The following PALM2AKAP2 variants were observed in gnomAD, a reference collection of about 807,000 sequenced individuals.
The protein encoded by PALM2AKAP2 is PALM2-AKAP2 fusion protein.
A neutral mutation model predicts 71.5 loss-of-function variants in PALM2AKAP2; 37 were observed. That is an observed-to-expected ratio of 0.52 (90% confidence interval 0.40 to 0.68). The LOEUF is 0.68. Among genes scored for constraint, PALM2AKAP2 ranks in the 30% least tolerant of loss-of-function variants. The pLI is 0.00. For synonymous variants in PALM2AKAP2, 468 were observed against 478.8 expected (o/e 0.98, Z 0.29); for missense variants, 1,224 against 1,191.8 (o/e 1.03, Z -0.40).
Position 109,862,998 on chromosome 9 carries a change from G to T in PALM2AKAP2, c.46-4493G>T, listed in dbSNP as rs565832476. On this transcript the variant is annotated intron_variant, in intron 1 of 9. Coordinates refer to the PALM2AKAP2 transcript ENST00000302798. ...GACAGGAGCCTCACTGGCTATGCTA[G>T]GGAACCTGCTCTTTGCACTGTAGGC... 67 of 485,038 alleles carry T rather than the reference G, an allele frequency of 1.4e-4. 2 individuals carry two copies. Among genetic ancestry groups the T allele is most frequent in the South Asian group, 8.6e-4 (57 of 66,474 alleles). 30.0% of individuals were successfully genotyped at this position (485,038 alleles called of 1,614,324 possible).
At chr9:110,141,974 A>G (rs1236749337) in intron 2 of PALM2AKAP2, among the ~76,000 whole-genome samples, 1 of 151,872 alleles carries the variant, frequency 6.6e-6, no homozygotes, top group Non-Finnish European at 1.5e-5. Context: ...CTTTTAAAAG[A>G]TGGACAATGA....
intron 1 of PALM2AKAP2, among the ~76,000 whole-genome samples, chr9:109,844,931 ATGTGTGTGTGTG>A (rs71373945): frequency 6.7e-6 from 1 of 149,308 alleles, no homozygotes; most frequent in African/African-American, 2.5e-5. Context: ...CCAGAAAATG[ATGTGTGTGTGTG>A]TGTGTGTGTG....
chr9:109,920,367 T>C (rs1287877523), intron 3 of PALM2AKAP2, among the ~76,000 whole-genome samples: 3 of 146,240 alleles, frequency 2.1e-5, no homozygotes, highest in African/African-American at 5.1e-5. Context: ...TTGAGAATAA[T>C]GTAATCTTTT....
intron 7 of PALM2AKAP2, among the ~76,000 whole-genome samples, chr9:110,033,798 T>C (rs1833330072): frequency 6.6e-6 from 1 of 152,232 alleles, no homozygotes; most frequent in South Asian, 2.1e-4. Context: ...TGTAGTTTTT[T>C]GGACAGGCTA....
At chr9:109,958,854 G>A (rs923767058) in intron 6 of PALM2AKAP2, among the ~76,000 whole-genome samples, 1 of 152,178 alleles carries the variant, frequency 6.6e-6, no homozygotes. Context: ...TCACTGCCTT[G>A]TTCCAGGGTC....
intron 6 of PALM2AKAP2, among the ~76,000 whole-genome samples, chr9:110,013,719 T>C (rs10124316): frequency 0.25 from 37,381 of 152,124 alleles, 7,097 homozygotes; most frequent in African/African-American, 0.53. Context: ...AATGAAGCTC[T>C]CAAGGACCCA....
chr9:109,743,007 C>G (rs763018326), intron 1 of PALM2AKAP2, among the ~76,000 whole-genome samples: 1 of 152,170 alleles, frequency 6.6e-6, no homozygotes, highest in Non-Finnish European at 1.5e-5. Context: ...CTGGAGTTTT[C>G]CATTTACAGA....
intron 1 of PALM2AKAP2, among the ~76,000 whole-genome samples, chr9:110,054,689 C>A (rs1262790571): frequency 6.6e-6 from 1 of 152,152 alleles, no homozygotes; most frequent in African/African-American, 2.4e-5. Flanking sequence ...CCTCTTGTCT[C>A]AGCCTCTTGA....
chr9:109,967,728 G>A (rs912705086), intron 6 of PALM2AKAP2, among the ~76,000 whole-genome samples: 3 of 152,168 alleles, frequency 2.0e-5, no homozygotes, highest in Admixed American at 6.5e-5. Flanking sequence ...ATGTCTTGAA[G>A]GGAGAAGTGT....
At chr9:109,692,012 T>A (rs1014053686) in intron 1 of PALM2AKAP2, among the ~76,000 whole-genome samples, 12 of 147,472 alleles carry the variant, frequency 8.1e-5, no homozygotes, top group African/African-American at 3.0e-4. Context: ...CTTTTAATCA[T>A]TTTAATGTGC....
chr9:109,833,191 C>G (rs953164941), intron 1 of PALM2AKAP2, among the ~76,000 whole-genome samples: 2 of 152,104 alleles, frequency 1.3e-5, no homozygotes, highest in African/African-American at 4.8e-5. Flanking sequence ...CCTGTCTCTA[C>G]TAAAAATACA....
chr9:109,657,452 T>TTTTGTGTGTGTGTGTG lies in PALM2AKAP2; in HGVS notation c.5+16587_5+16588insTTGTGTGTGTGTGTGT, dbSNP rs112474230. The stretch of plus-strand genomic sequence containing the variant: ...TCTGAGAACAAAAGCAATATGGTAT[T>TTTTGTGTGTGTGTGTG]TGTGTGTGTGTGTGTGTGTGTGTGT... On this transcript the variant is annotated intron_variant, in intron 1 of 6. Transcript: ENST00000374531. Among the ~76,000 whole-genome samples the TTTTGTGTGTGTGTGTG allele has an allele frequency of 1.2e-3, 181 of 147,216 alleles. 1 individual carries two copies. Among genetic ancestry groups the TTTTGTGTGTGTGTGTG allele is most frequent in the African/African-American group, 4.5e-3 (177 of 39,326 alleles).
At chr9:109,852,520 T>G (rs563355478) in intron 1 of PALM2AKAP2, among the ~76,000 whole-genome samples, 2 of 152,322 alleles carry the variant, frequency 1.3e-5, no homozygotes, top group South Asian at 2.1e-4. Flanking sequence ...GCCCTTTTGA[T>G]AGTATGACTT....
At chr9:109,812,739 G>A (rs909420912) in intron 1 of PALM2AKAP2, among the ~76,000 whole-genome samples, 1 of 152,156 alleles carries the variant, frequency 6.6e-6, no homozygotes, top group Non-Finnish European at 1.5e-5. Flanking sequence ...GGGCAGGTGC[G>A]CATGTTGCAT....
intron 1 of PALM2AKAP2, among the ~76,000 whole-genome samples, chr9:109,794,032 G>A (rs930708637): frequency 7.2e-5 from 11 of 152,202 alleles, no homozygotes; most frequent in Non-Finnish European, 4.4e-5. Context: ...TTCAATGGCT[G>A]TATTTGCGAT....
At chr9:109,962,256 A>C (rs1445746839) in intron 6 of PALM2AKAP2, among the ~76,000 whole-genome samples, 1 of 152,228 alleles carries the variant, frequency 6.6e-6, no homozygotes, top group Non-Finnish European at 1.5e-5. Flanking sequence ...ACTGCCTGGT[A>C]AATACTGGCA....
intron 1 of PALM2AKAP2, among the ~76,000 whole-genome samples, chr9:109,838,802 A>G (rs1053297134): frequency 6.6e-5 from 10 of 152,200 alleles, no homozygotes; most frequent in African/African-American, 1.7e-4. Context: ...TCCTAGGCAC[A>G]TACACCCTTG....
At chr9:109,941,838 A>G (rs1002572044) in intron 6 of PALM2AKAP2, among the ~76,000 whole-genome samples, 1 of 152,336 alleles carries the variant, frequency 6.6e-6, no homozygotes. Context: ...ACCAGGTAGG[A>G]AGCTCTTCCA....
At chr9:109,650,356 A>G (rs1453969128) in intron 1 of PALM2AKAP2, among the ~76,000 whole-genome samples, 1 of 136,524 alleles carries the variant, frequency 7.3e-6, no homozygotes, top group African/African-American at 2.5e-5. Flanking sequence ...GATAATTCTT[A>G]TAGCTTGTGA....
Sources: allele counts gnomAD v4.1 joint callset (sites outside exome capture counted in the v4.1 genomes callset), GRCh38; gene constraint gnomAD v4.1.1; transcripts MANE v1.5; gene names NCBI Gene and HGNC (gene_info 2026-07-23, HGNC 2026-07-21).